The following ARPP21 variants were observed in gnomAD, a reference collection of about 807,000 sequenced individuals.
The protein encoded by ARPP21 is cAMP-regulated phosphoprotein 21.
Under a neutral mutation model 113.2 loss-of-function variants are expected in ARPP21, and 69 were observed. The ratio of observed to expected loss-of-function variants is 0.61; its 90% CI spans 0.50 to 0.74. ARPP21 has a LOEUF of 0.74. Ranked by LOEUF, ARPP21 falls within the 30% of genes least tolerant of loss-of-function variation. The pLI is 0.00. For synonymous variants in ARPP21, 368 were observed against 375.5 expected (o/e 0.98, Z 0.23); for missense variants, 1,070 against 1,037.4 (o/e 1.03, Z -0.43).
intron 2 of ARPP21, among the ~76,000 whole-genome samples, chr3:35,680,189 A>G (rs1172472871): frequency 1.3e-5 from 2 of 151,908 alleles, no homozygotes; most frequent in South Asian, 2.1e-4. Flanking sequence ...AGTTAGGGCA[A>G]CAGAAGTCCC....
intron 11 of ARPP21, among the ~76,000 whole-genome samples, chr3:35,713,604 C>T (rs1016499690): frequency 2.0e-5 from 3 of 152,018 alleles, no homozygotes; most frequent in African/African-American, 7.2e-5. Flanking sequence ...ATGTTGCCCA[C>T]GCTGGTCTTG....
intron 9 of ARPP21, among the ~76,000 whole-genome samples, chr3:35,696,373 A>T (rs2149750239): frequency 6.6e-6 from 1 of 151,690 alleles, no homozygotes; most frequent in Admixed American, 6.6e-5. Flanking sequence ...GCAGCACTGC[A>T]TTTTTGTTGG....
chr3:35,764,850 T>C (rs2095903721), intron 19 of ARPP21, among the ~76,000 whole-genome samples: 2 of 152,122 alleles, frequency 1.3e-5, no homozygotes, highest in African/African-American at 2.4e-5. Flanking sequence ...TACATATGCA[T>C]AGAGGAATAT....
chr3:35,750,662 T>A (rs1194962713), intron 19 of ARPP21, among the ~76,000 whole-genome samples: 2 of 152,168 alleles, frequency 1.3e-5, no homozygotes, highest in Non-Finnish European at 2.9e-5. Context: ...GAGAGGTGGA[T>A]ATTCACAACC....
intron 14 of ARPP21, among the ~76,000 whole-genome samples, chr3:35,722,410 A>G (rs1219233304): frequency 1.3e-5 from 2 of 152,240 alleles, no homozygotes; most frequent in Non-Finnish European, 2.9e-5. Context: ...AGAAATAATA[A>G]TAGTACCTAT....
At chr3:35,788,538 C>T (rs548485417) in intron 19 of ARPP21, among the ~76,000 whole-genome samples, 157 of 152,256 alleles carry the variant, frequency 1.0e-3, no homozygotes, top group African/African-American at 3.7e-3. Flanking sequence ...AATTTGCTGT[C>T]TTCAGTATAC....
chr3:35,745,407 T>C (rs1267101487), intron 19 of ARPP21, among the ~76,000 whole-genome samples: 1 of 152,254 alleles, frequency 6.6e-6, no homozygotes, highest in African/African-American at 2.4e-5. Flanking sequence ...GCAAGTTTTC[T>C]ACTTGGTTAC....
chr3:35,752,414 C>T (rs1159931975), intron 19 of ARPP21, among the ~76,000 whole-genome samples: 3 of 151,950 alleles, frequency 2.0e-5, no homozygotes, highest in African/African-American at 7.2e-5. Flanking sequence ...TTAAAATAGG[C>T]CAGTTTTTGT....
intron 1 of ARPP21, among the ~76,000 whole-genome samples, chr3:35,667,859 G>GAAGAAGAAGAAGAAGAAGAAC: frequency 1.6e-5 from 2 of 124,034 alleles, no homozygotes; most frequent in Non-Finnish European, 1.6e-5. Flanking sequence ...AGAAGAAGAA[G>GAAGAAGAAGAAGAAGAAGAAC]AAGAAGAAGA....
At chr3:35,740,216 G>A (rs962914593) in intron 18 of ARPP21, among the ~76,000 whole-genome samples, 2 of 152,126 alleles carry the variant, frequency 1.3e-5, no homozygotes, top group Non-Finnish European at 2.9e-5. Flanking sequence ...CTGATTATGT[G>A]TTACTGTTCA....
At chr3:35,747,146 C>T in intron 19 of ARPP21, among the ~76,000 whole-genome samples, 1 of 151,988 alleles carries the variant, frequency 6.6e-6, no homozygotes, top group Middle Eastern at 3.4e-3. Flanking sequence ...AGGTCAGGAG[C>T]TCGAGACCAG....
At chr3:35,729,246 G>T in intron 14 of ARPP21, 57 bp from the exon 15 acceptor site, 1 of 1,212,934 alleles carries the variant, frequency 8.2e-7, no homozygotes, top group Non-Finnish European at 1.2e-6. Context: ...GACTCAGATT[G>T]GTGCTTTCTC....
At chr3:35,696,348 A>C (rs951402803) in intron 9 of ARPP21, among the ~76,000 whole-genome samples, 7 of 151,598 alleles carry the variant, frequency 4.6e-5, no homozygotes, top group Non-Finnish European at 1.0e-4. Context: ...TAGTAAAGGA[A>C]GTCATCTTTC....
Position 35,743,896 on chromosome 3 carries a change from C to T in ARPP21, c.2068C>T (p.Arg690Trp), listed in dbSNP as rs375827523. 1.9e-5 allele frequency: 30 copies of T among 1,613,856 alleles called. No individual in the cohort carries two copies. Among genetic ancestry groups the T allele is most frequent in the African/African-American group, 4.0e-5 (3 of 74,924 alleles). The change falls in exon 19 of 21, where the codon CGG becomes TGG. Residue 690 changes from arginine (R) to tryptophan (W), a missense_variant. Coordinates refer to ENST00000684406, the MANE Select transcript of ARPP21 (RefSeq NM_001385562.1). The stretch of plus-strand genomic sequence containing the variant: ...CCCTACCTCAACCACGCAACAGTAC[C>T]GGCCCATGGCCCCGGTTCAGTACAA... ...QYPTSTTQQY[R>W]PMAPVQYNAQ...
At chr3:35,775,615 A>C (rs1028162584) in intron 19 of ARPP21, among the ~76,000 whole-genome samples, 5 of 152,178 alleles carry the variant, frequency 3.3e-5, no homozygotes, top group Non-Finnish European at 7.4e-5. Flanking sequence ...AAACTGGAAA[A>C]TTTGTGTTTT....
At chr3:35,707,726 T>C (rs548512914) in intron 10 of ARPP21, among the ~76,000 whole-genome samples, 3 of 152,280 alleles carry the variant, frequency 2.0e-5, no homozygotes, top group African/African-American at 4.8e-5. Context: ...CAAAACATTA[T>C]GTTGTTCTAG....
chr3:35,778,474 G>C (rs1322317111), intron 19 of ARPP21, among the ~76,000 whole-genome samples: 1 of 152,122 alleles, frequency 6.6e-6, no homozygotes, highest in African/African-American at 2.4e-5. Context: ...CTGGCAGGCA[G>C]CCCCTCCTCT....
At chr3:35,691,599 A>G (rs2082262293) in intron 9 of ARPP21, among the ~76,000 whole-genome samples, 1 of 151,576 alleles carries the variant, frequency 6.6e-6, no homozygotes, top group Admixed American at 6.6e-5. Context: ...TTAGCTCTAA[A>G]AAGAGGATGA....
At chr3:35,744,197 T>C (rs1341021401) in intron 19 of ARPP21, among the ~76,000 whole-genome samples, 1 of 152,234 alleles carries the variant, frequency 6.6e-6, no homozygotes, top group Non-Finnish European at 1.5e-5. Context: ...TCTCCATAAA[T>C]TATTTTTTGA....
Sources: allele counts gnomAD v4.1 joint callset (sites outside exome capture counted in the v4.1 genomes callset), GRCh38; gene constraint gnomAD v4.1.1; transcripts MANE v1.5; gene names NCBI Gene and HGNC (gene_info 2026-07-23, HGNC 2026-07-21).